Variants in SLC24A3 observed in about 807,000 individuals in gnomAD.
SLC24A3 encodes solute carrier family 24 member 3.
SLC24A3 carries 28 observed loss-of-function variants against 75.8 expected under a neutral mutation model. The observed-to-expected ratio is 0.37, with a 90% confidence interval of 0.27 to 0.51. The LOEUF (loss-of-function observed/expected upper bound fraction) is 0.51, where lower values mean the gene tolerates loss of function less well. Ranked by LOEUF, SLC24A3 falls within the 20% of genes least tolerant of loss-of-function variation. SLC24A3 has a pLI of 0.94. For synonymous variants in SLC24A3, 372 were observed against 334.1 expected, an observed-to-expected ratio of 1.11 and a Z score of -1.24; for missense variants, 663 against 847.8, an observed-to-expected ratio of 0.78 and a Z score of 2.71.
At chr20:19,658,865 C>T (rs2032294306) in intron 7 of SLC24A3, among the ~76,000 whole-genome samples, 1 of 152,224 alleles carries the variant, frequency 6.6e-6, no homozygotes, top group African/African-American at 2.4e-5. Flanking sequence ...CCAGTGAGCA[C>T]TTCAACTCTG....
chr20:19,476,804 A>G (rs549796590), intron 2 of SLC24A3, among the ~76,000 whole-genome samples: 641 of 152,232 alleles, frequency 4.2e-3, no homozygotes, highest in Non-Finnish European at 7.9e-3. Flanking sequence ...AGCACAAAAA[A>G]TTCCAGAGGC....
chr20:19,537,872 C>A (rs1465370928), intron 3 of SLC24A3, among the ~76,000 whole-genome samples: 1 of 113,932 alleles, frequency 8.8e-6, no homozygotes, highest in African/African-American at 3.5e-5. Flanking sequence ...ACACCGGGGA[C>A]CGTTGTGGGG....
intron 2 of SLC24A3, among the ~76,000 whole-genome samples, chr20:19,439,267 T>A (rs2122465107): frequency 6.6e-6 from 1 of 152,354 alleles, no homozygotes; most frequent in Non-Finnish European, 1.5e-5. Flanking sequence ...GGATCAGGCC[T>A]CCCTCATCTT....
At chr20:19,404,906 T>G (rs2122411148) in intron 2 of SLC24A3, among the ~76,000 whole-genome samples, 1 of 152,272 alleles carries the variant, frequency 6.6e-6, no homozygotes, top group South Asian at 2.1e-4. Flanking sequence ...CTATTAGGGT[T>G]GAAATGGCTC....
intron 3 of SLC24A3, among the ~76,000 whole-genome samples, chr20:19,546,636 G>A (rs1384799956): frequency 6.6e-6 from 1 of 152,188 alleles, no homozygotes; most frequent in African/African-American, 2.4e-5. Flanking sequence ...GGGGTGGGGG[G>A]CAGACTCGCA....
chr20:19,616,872 G>A (rs549703913), intron 6 of SLC24A3, among the ~76,000 whole-genome samples: 13 of 152,238 alleles, frequency 8.5e-5, no homozygotes, highest in African/African-American at 3.1e-4. Context: ...TGATACATAG[G>A]AGGAAGGAAA....
At position 19,482,840 on chromosome 20, in the gene SLC24A3, A is replaced by G. The variant is rs145016330; in HGVS notation, c.272-32648A>G. 5.3e-5 allele frequency among the ~76,000 whole-genome samples: 8 copies of G among 152,276 alleles called. No homozygotes were observed. The East Asian group carries it at 1.2e-3, about 22-fold the overall frequency. On this transcript the variant is annotated intron_variant, in intron 2 of 16. Transcript: ENST00000328041. Reference sequence around the variant, plus strand: ...CTTGGAGACAGTTTGAGGACACCACAAGCACACGGTTCAGTCAATAGGAGG... The same window carrying G: ...CTTGGAGACAGTTTGAGGACACCACGAGCACACGGTTCAGTCAATAGGAGG...
intron 2 of SLC24A3, among the ~76,000 whole-genome samples, chr20:19,385,751 C>T (rs6112341): frequency 1.3e-5 from 2 of 151,780 alleles, no homozygotes; most frequent in East Asian, 3.9e-4. Flanking sequence ...AAATGATCCT[C>T]TTACCTCAGC....
At chr20:19,635,506 T>C (rs1258949812) in intron 6 of SLC24A3, among the ~76,000 whole-genome samples, 1 of 152,200 alleles carries the variant, frequency 6.6e-6, no homozygotes, top group African/African-American at 2.4e-5. Flanking sequence ...CCAAACTTAG[T>C]TATGTAAAAC....
At chr20:19,390,802 G>A (rs750827220) in intron 2 of SLC24A3, among the ~76,000 whole-genome samples, 7 of 152,002 alleles carry the variant, frequency 4.6e-5, no homozygotes, top group African/African-American at 7.3e-5. Context: ...GAGGCCAAAG[G>A]GACTGACACT....
chr20:19,484,665 T>C (rs1427733554), intron 2 of SLC24A3, among the ~76,000 whole-genome samples: 2 of 151,796 alleles, frequency 1.3e-5, no homozygotes, highest in Non-Finnish European at 2.9e-5. Flanking sequence ...GAAAGTAGAG[T>C]AGGATTGTCA....
At chr20:19,582,162 C>T (rs1312848489) in intron 4 of SLC24A3, among the ~76,000 whole-genome samples, 1 of 152,236 alleles carries the variant, frequency 6.6e-6, no homozygotes, top group Non-Finnish European at 1.5e-5. Context: ...TCAGTTCTCC[C>T]TGGAGTTACA....
Position 19,349,104 on chromosome 20 carries a change from C to T in SLC24A3, c.271+68017C>T, listed in dbSNP as rs1027879236. On this transcript the variant is annotated intron_variant, in intron 2 of 16. Transcript: ENST00000328041. ...ATACATAATTACCAAGCAATACATA[C>T]TTGGTAAATTGTAAGATGCTTTTTC... 3.9e-5 allele frequency among the ~76,000 whole-genome samples: 6 copies of T among 152,304 alleles called. No individual in the cohort carries two copies. The East Asian group carries it at 9.7e-4, about 25-fold the overall frequency.
intron 1 of SLC24A3, among the ~76,000 whole-genome samples, chr20:19,267,383 A>G (rs1166433085): frequency 6.6e-6 from 1 of 152,226 alleles, no homozygotes; most frequent in Non-Finnish European, 1.5e-5. Flanking sequence ...TTAAATTTTC[A>G]GTTTCATTCA....
intron 2 of SLC24A3, among the ~76,000 whole-genome samples, chr20:19,446,325 AG>A (rs1472647664): frequency 2.6e-5 from 4 of 152,258 alleles, no homozygotes; most frequent in African/African-American, 9.6e-5. Flanking sequence ...ACCATGTAAA[AG>A]TCTGAAAATC....
intron 7 of SLC24A3, among the ~76,000 whole-genome samples, chr20:19,656,223 A>G (rs1278976448): frequency 6.6e-6 from 1 of 152,208 alleles, no homozygotes; most frequent in Non-Finnish European, 1.5e-5. Context: ...AACCATCACA[A>G]GGTTTGCCAG....
intron 2 of SLC24A3, among the ~76,000 whole-genome samples, chr20:19,320,094 G>T (rs1285607697): frequency 6.6e-6 from 1 of 152,222 alleles, no homozygotes; most frequent in African/African-American, 2.4e-5. Flanking sequence ...GGCAGGTCAA[G>T]GCTGTGCCTG....
At chr20:19,402,304 C>T (rs1054802966) in intron 2 of SLC24A3, among the ~76,000 whole-genome samples, 17 of 152,196 alleles carry the variant, frequency 1.1e-4, no homozygotes, top group African/African-American at 3.6e-4. Context: ...TAGATTTTCT[C>T]TCCAGCCTTT....
In SLC24A3 at chr20:19,478,040, A is replaced by G. The variant is rs182451373; in HGVS notation, c.272-37448A>G. 7.2e-5 allele frequency among the ~76,000 whole-genome samples: 11 copies of G among 152,316 alleles called. No individual in the cohort carries two copies. The East Asian group carries it at 2.1e-3, about 29-fold the overall frequency. On this transcript the variant is annotated intron_variant, in intron 2 of 16. Transcript: ENST00000328041. ...AGGAATCCCATCCTCGCTGCTAGCA[A>G]GAAGTCCTCAGTCATTCTCATTTAT... is the stretch of plus-strand genomic sequence containing the variant.
Sources: gnomAD v4.1 joint callset for allele counts (sites outside exome capture counted in the v4.1 genomes callset) on GRCh38, gnomAD v4.1.1 for gene constraint, MANE v1.5 for transcripts, NCBI Gene and HGNC (gene_info 2026-07-23, HGNC 2026-07-21) for gene names.